The following TYW1 variants were observed in gnomAD, a reference collection of about 807,000 sequenced individuals.
TYW1 encodes the protein S-adenosyl-L-methionine-dependent tRNA 4-demethylwyosine synthase TYW1.
A neutral mutation model predicts 96.2 loss-of-function variants in TYW1; 46 were observed. That is an observed-to-expected ratio of 0.48 (90% CI 0.38 to 0.61). The LOEUF (loss-of-function observed/expected upper bound fraction) is 0.61. Ranked by LOEUF, TYW1 falls within the 20% of genes least tolerant of loss-of-function variation. TYW1 has a pLI of 0.00. For synonymous variants in TYW1, 274 were observed against 323.0 expected, an observed-to-expected ratio of 0.85 and a Z score of 1.63; for missense variants, 684 against 909.6, an observed-to-expected ratio of 0.75 and a Z score of 3.19.
At chr7:67,091,963 C>T (rs1290551775) in intron 11 of TYW1, among the ~76,000 whole-genome samples, 1 of 152,120 alleles carries the variant, frequency 6.6e-6, no homozygotes, top group East Asian at 1.9e-4. Flanking sequence ...TTCCTCCTGT[C>T]CTCGTGGCTG....
Position 66,997,916 on chromosome 7 carries a change from A to G in TYW1, c.5-149A>G, listed in dbSNP as rs1793244019. 3 of 1,077,726 alleles carry G rather than the reference A, an allele frequency of 2.8e-6. No homozygotes were observed. In the South Asian group the frequency reaches 5.6e-5, roughly 20 times the overall value. The allele number at this position is 1,077,726 out of a possible 1,614,324, so 66.8% of individuals were successfully genotyped here. A position where few individuals can be genotyped will look rare whatever the true frequency, so the allele number is the denominator to read the frequency against. ...AGTGCTGGAATTACAGGCATGAGCC[A>G]TCGTGCCCGGCCAACAGTTGATTTT... On this transcript the variant is annotated intron_variant, in intron 1 of 15. Transcript: ENST00000359626.
At chr7:67,027,138 T>A (rs1245941939) in intron 7 of TYW1, among the ~76,000 whole-genome samples, 1 of 151,678 alleles carries the variant, frequency 6.6e-6, no homozygotes. Flanking sequence ...AGTTTGAGGC[T>A]GCAGTGAGCT....
intron 10 of TYW1, among the ~76,000 whole-genome samples, chr7:67,071,263 T>C (rs1309959762): frequency 6.6e-6 from 1 of 152,124 alleles, no homozygotes; most frequent in Non-Finnish European, 1.5e-5. Flanking sequence ...TTTTCTAAAC[T>C]ATATTTGTAA....
rs1793182671 is a variant in TYW1, at chr7:66,996,898, C to T, written c.-81C>T. ...GTACGCCGCTAACGCGGCGAGGTAG[C>T]TCGGTGCGTCTCGCGGTACCAGTGC... On this transcript the variant is annotated 5_prime_UTR_variant, in exon 1 of 16. Transcript: ENST00000359626. The T allele has an allele frequency of 1.2e-6, 2 of 1,607,434 alleles. No individual in the cohort carries two copies. The highest frequency in any genetic ancestry group is 2.2e-5 in the East Asian group (1 of 44,700).
At chr7:67,148,495 G>C (rs555728615) in intron 13 of TYW1, among the ~76,000 whole-genome samples, 1 of 139,604 alleles carries the variant, frequency 7.2e-6, no homozygotes, top group Non-Finnish European at 1.5e-5. Context: ...GCGTGATCTC[G>C]GCTCACTGCA....
intron 8 of TYW1, among the ~76,000 whole-genome samples, chr7:67,054,562 A>G (rs1795453130): frequency 6.6e-6 from 1 of 152,244 alleles, no homozygotes; most frequent in South Asian, 2.1e-4. Flanking sequence ...ATACAAGACA[A>G]AGCCCTGTAA....
chr7:67,100,564 G>A (rs1289345495), intron 12 of TYW1, among the ~76,000 whole-genome samples: 3 of 151,992 alleles, frequency 2.0e-5, no homozygotes, highest in East Asian at 1.9e-4. Flanking sequence ...AGAATTAAAG[G>A]GGCAGGGCGT....
intron 15 of TYW1, among the ~76,000 whole-genome samples, chr7:67,195,647 T>C (rs547780145): frequency 5.8e-4 from 89 of 152,276 alleles, no homozygotes; most frequent in African/African-American, 2.0e-3. Context: ...TTTCCTGGAA[T>C]GACAGGGAAA....
chr7:67,125,958 C>T (rs889724652), intron 13 of TYW1, among the ~76,000 whole-genome samples: 11 of 152,110 alleles, frequency 7.2e-5, no homozygotes, highest in African/African-American at 2.7e-4. Context: ...ACAGTTTACT[C>T]ACCCACTGAA....
chr7:67,181,348 A>T (rs1047815814), intron 13 of TYW1, among the ~76,000 whole-genome samples: 56 of 135,724 alleles, frequency 4.1e-4, no homozygotes, highest in African/African-American at 1.6e-3. Context: ...CATTGGAAGA[A>T]TTATATGTAA....
intron 6 of TYW1, among the ~76,000 whole-genome samples, chr7:67,020,681 A>G (rs752204738): frequency 3.3e-5 from 5 of 152,256 alleles, no homozygotes; most frequent in East Asian, 1.9e-4. Flanking sequence ...TTGTCATCCT[A>G]TTATTCTCTC....
intron 13 of TYW1, among the ~76,000 whole-genome samples, chr7:67,163,511 G>C (rs931285899): frequency 2.6e-5 from 4 of 152,042 alleles, no homozygotes. Context: ...CTGTTTTTCT[G>C]TTTCCTGTTG....
At chr7:67,012,347 C>CAA (rs903529190) in intron 4 of TYW1, among the ~76,000 whole-genome samples, 1 of 148,642 alleles carries the variant, frequency 6.7e-6, no homozygotes, top group Non-Finnish European at 1.5e-5. Flanking sequence ...GACTCTGTCT[C>CAA]AAAAAAAAAC....
intron 13 of TYW1, among the ~76,000 whole-genome samples, chr7:67,128,407 G>A (rs904874528): frequency 6.6e-5 from 10 of 152,152 alleles, no homozygotes; most frequent in African/African-American, 2.2e-4. Flanking sequence ...TTCGATCTCT[G>A]TTTACATTGT....
intron 13 of TYW1, among the ~76,000 whole-genome samples, chr7:67,142,575 C>A (rs1798481675): frequency 6.6e-6 from 1 of 152,082 alleles, no homozygotes; most frequent in South Asian, 2.1e-4. Flanking sequence ...ACTACAGGCA[C>A]AAGCCACCAT....
chr7:67,087,506 C>G (rs1796583794), intron 11 of TYW1, among the ~76,000 whole-genome samples: 1 of 152,106 alleles, frequency 6.6e-6, no homozygotes, highest in Admixed American at 6.6e-5. Flanking sequence ...GGAATGATCC[C>G]CAGAAATTCA....
At chr7:67,144,452 TTCCACTACAACA>T (rs1798543113) in intron 13 of TYW1, among the ~76,000 whole-genome samples, 2 of 151,526 alleles carry the variant, frequency 1.3e-5, no homozygotes, top group Non-Finnish European at 2.9e-5. Context: ...GTTGCTGGTT[TTCCACTACAACA>T]TCTCTTTGTT....
chr7:67,061,675 G>T (rs746719198), intron 9 of TYW1, among the ~76,000 whole-genome samples: 2 of 152,076 alleles, frequency 1.3e-5, no homozygotes, highest in African/African-American at 2.4e-5. Flanking sequence ...ATTTCTAATT[G>T]TATCCTACTT....
intron 14 of TYW1, among the ~76,000 whole-genome samples, chr7:67,192,185 C>T (rs979606636): frequency 2.6e-5 from 4 of 152,046 alleles, no homozygotes; most frequent in Non-Finnish European, 5.9e-5. Flanking sequence ...CATGAGCCAC[C>T]GTGCCTAGCC....
Sources: gnomAD v4.1 joint callset for allele counts (sites outside exome capture counted in the v4.1 genomes callset) on GRCh38, gnomAD v4.1.1 for gene constraint, MANE v1.5 for transcripts, NCBI Gene and HGNC (gene_info 2026-07-23, HGNC 2026-07-21) for gene names.